The following IL1RAPL1 variants were observed in gnomAD, a reference collection of about 807,000 sequenced individuals.
IL1RAPL1 encodes the protein interleukin 1 receptor accessory protein like 1, also known as interleukin-1 receptor accessory protein-like 1.
In IL1RAPL1, 3 loss-of-function variants were observed where a neutral mutation model predicts 48.4. The observed-to-expected ratio is 0.06, with a 90% confidence interval of 0.03 to 0.16. IL1RAPL1 has a LOEUF of 0.16. Ranked by LOEUF, IL1RAPL1 falls within the 10% of genes least tolerant of loss-of-function variation. The probability of loss-of-function intolerance (pLI) is 1.00; values close to 1 mark genes in which losing one functional copy is unlikely to be tolerated. For missense variants in IL1RAPL1, 349 were observed against 530.6 expected (o/e 0.66, Z 3.36); for synonymous variants, 185 against 187.7 (o/e 0.99, Z 0.12).
intron 1 of IL1RAPL1, among the ~76,000 whole-genome samples, chrX:28,764,341 A>G (rs144269352): frequency 0.015 from 1,691 of 111,411 alleles, 24 homozygotes; most frequent in Admixed American, 0.058. Flanking sequence ...AACAAAGCTG[A>G]TTATTTTTAT....
At chrX:29,387,774 T>C (rs1933797956) in intron 3 of IL1RAPL1, among the ~76,000 whole-genome samples, 1 of 110,781 alleles carries the variant, frequency 9.0e-6, no homozygotes, top group Non-Finnish European at 1.9e-5. Flanking sequence ...GGGTGGATCA[T>C]TTGAGGTCAG....
chrX:28,962,355 T>C (rs748645441), intron 2 of IL1RAPL1, among the ~76,000 whole-genome samples: 95 of 112,052 alleles, frequency 8.5e-4, no homozygotes, highest in African/African-American at 2.4e-3. Flanking sequence ...CCTCTTCTTA[T>C]GTTTAGCTTA....
At chrX:29,093,335 AG>A in intron 2 of IL1RAPL1, among the ~76,000 whole-genome samples, 1 of 109,544 alleles carries the variant, frequency 9.1e-6, no homozygotes, top group Non-Finnish European at 1.9e-5. Flanking sequence ...GAGCAGGAGG[AG>A]GGGGGTGGGA....
chrX:28,618,195 G>GCTT (rs1198186686), intron 1 of IL1RAPL1, among the ~76,000 whole-genome samples: 2 of 112,106 alleles, frequency 1.8e-5, no homozygotes, highest in Non-Finnish European at 3.8e-5. Flanking sequence ...TCAGGACTTT[G>GCTT]CTTTCTGCTT....
chrX:29,760,674 G>A (rs778627437), intron 6 of IL1RAPL1, among the ~76,000 whole-genome samples: 2 of 110,821 alleles, frequency 1.8e-5, no homozygotes, highest in East Asian at 2.8e-4. Context: ...TAGGTTTTGA[G>A]TAATACTGGG....
intron 6 of IL1RAPL1, among the ~76,000 whole-genome samples, chrX:29,816,901 C>A (rs1468538275): frequency 9.1e-6 from 1 of 109,912 alleles, no homozygotes; most frequent in Non-Finnish European, 1.9e-5. Flanking sequence ...TATCGTTTAT[C>A]CCTCTGTCTT....
At chrX:29,515,469 G>C (rs761889385) in intron 5 of IL1RAPL1, among the ~76,000 whole-genome samples, 1 of 111,822 alleles carries the variant, frequency 8.9e-6, no homozygotes, top group African/African-American at 3.2e-5. Context: ...TTCTATTATT[G>C]TGCCAAGTCA....
intron 3 of IL1RAPL1, among the ~76,000 whole-genome samples, chrX:29,286,153 C>G (rs1602152316): frequency 1.8e-5 from 2 of 111,737 alleles, no homozygotes; most frequent in African/African-American, 6.5e-5. Context: ...ACACCTAAGA[C>G]TCCTATCATT....
intron 2 of IL1RAPL1, among the ~76,000 whole-genome samples, chrX:28,971,912 G>GTA (rs1555948258): frequency 8.4e-4 from 91 of 108,825 alleles, no homozygotes; most frequent in African/African-American, 2.9e-3. Flanking sequence ...GTGTGTGTGT[G>GTA]TGTGTATTTC....
At chrX:29,601,586 C>T (rs2147062292) in intron 5 of IL1RAPL1, among the ~76,000 whole-genome samples, 1 of 112,075 alleles carries the variant, frequency 8.9e-6, no homozygotes, top group African/African-American at 3.2e-5. Flanking sequence ...TTCACAATTA[C>T]CCACCCTTTA....
intron 6 of IL1RAPL1, among the ~76,000 whole-genome samples, chrX:29,894,510 TTTAC>T (rs1160032817): frequency 2.7e-5 from 3 of 112,255 alleles, no homozygotes; most frequent in East Asian, 2.8e-4. Flanking sequence ...TCATCAACGT[TTTAC>T]TTACTTTTTC....
At chrX:29,946,455 T>TA (rs1425778666) in intron 9 of IL1RAPL1, among the ~76,000 whole-genome samples, 2 of 111,971 alleles carry the variant, frequency 1.8e-5, no homozygotes, top group Non-Finnish European at 3.8e-5. Flanking sequence ...CTCTGAGGTT[T>TA]TTGGGGAAAA....
intron 2 of IL1RAPL1, among the ~76,000 whole-genome samples, chrX:28,985,232 A>G (rs1925437598): frequency 8.9e-6 from 1 of 111,836 alleles, no homozygotes; most frequent in Non-Finnish European, 1.9e-5. Flanking sequence ...TATTGGTAAT[A>G]AAAACATGGT....
At chrX:29,646,847 C>T (rs5971629) in intron 5 of IL1RAPL1, among the ~76,000 whole-genome samples, 1,467 of 110,978 alleles carry the variant, frequency 0.013, 24 homozygotes, top group African/African-American at 0.046. Context: ...CCAAAAATAC[C>T]GTACCAAGAA....
At chrX:28,931,222 T>C (rs184191650) in intron 2 of IL1RAPL1, among the ~76,000 whole-genome samples, 12 of 112,038 alleles carry the variant, frequency 1.1e-4, no homozygotes, top group African/African-American at 3.2e-4. Context: ...GGGCACTTTC[T>C]TTCCTCCTGT....
At chrX:29,764,897 A>G (rs1013969246) in intron 6 of IL1RAPL1, among the ~76,000 whole-genome samples, 1 of 111,588 alleles carries the variant, frequency 9.0e-6, no homozygotes, top group Non-Finnish European at 1.9e-5. Flanking sequence ...TGTGAAAAGA[A>G]CTCACCAGCG....
rs752421350 is a variant in IL1RAPL1 at position 29,232,426 on chromosome X, TAG to T, written c.83-50508_83-50507del. On this transcript the variant is annotated intron_variant, in intron 2 of 10. Coordinates refer to ENST00000378993, the MANE Select transcript of IL1RAPL1 (RefSeq NM_014271.4). ...GGACTTAAATAGTAGTTTATGCAATTAGAGAATGCAGAAATAGCGTGAAAGAA... is the reference window on the plus strand; with the variant it reads ...GGACTTAAATAGTAGTTTATGCAATTAGAATGCAGAAATAGCGTGAAAGAA... Among the ~76,000 whole-genome samples, 18 of 112,492 alleles carry T rather than the reference TAG, an allele frequency of 1.6e-4. No individual in the cohort carries two copies. The East Asian group carries it at 5.0e-3, about 31-fold the overall frequency.
chrX:29,105,903 C>T (rs750560966), intron 2 of IL1RAPL1, among the ~76,000 whole-genome samples: 1 of 111,847 alleles, frequency 8.9e-6, no homozygotes, highest in South Asian at 3.7e-4. Flanking sequence ...TACAGCCTCA[C>T]ATTTATGAAA....
intron 2 of IL1RAPL1, among the ~76,000 whole-genome samples, chrX:29,112,487 A>G (rs773978629): frequency 7.6e-5 from 8 of 105,875 alleles, no homozygotes; most frequent in Middle Eastern, 4.7e-3. Context: ...TTTTTTTTCA[A>G]TAGGAACAGT....
Sources: gnomAD v4.1 joint callset for allele counts (sites outside exome capture counted in the v4.1 genomes callset) on GRCh38, gnomAD v4.1.1 for gene constraint, MANE v1.5 for transcripts, NCBI Gene and HGNC (gene_info 2026-07-23, HGNC 2026-07-21) for gene names.